The following YPEL1 variants were observed in gnomAD, a reference collection of about 807,000 sequenced individuals.
The protein encoded by YPEL1 is yippee like 1, also known as protein yippee-like 1.
In YPEL1, 7 loss-of-function variants were observed where a neutral mutation model predicts 17.3. The ratio of observed to expected loss-of-function variants is 0.40; its 90% CI spans 0.23 to 0.76. The LOEUF (loss-of-function observed/expected upper bound fraction) is 0.76. Among genes scored for constraint, YPEL1 ranks in the 30% least tolerant of loss-of-function variants. The pLI is 0.35. For missense variants in YPEL1, 91 were observed against 155.5 expected (o/e 0.59, Z 2.21); for synonymous variants, 59 against 59.6 (o/e 0.99, Z 0.05).
rs545656762 is a variant in YPEL1 at position 21,717,173 on chromosome 22, C to T, written c.-164-6265G>A. ...GGGGCGGATCACAAGGTCAGGAGTT[C>T]GAGACCAGCCTGGCCAACACGGTGA... On this transcript the variant is annotated intron_variant, in intron 1 of 4. Coordinates refer to ENST00000339468, the MANE Select transcript of YPEL1 (RefSeq NM_013313.5). Among the ~76,000 whole-genome samples the T allele has an allele frequency of 2.8e-4, 43 of 152,036 alleles. No homozygotes were observed. In the South Asian group the frequency reaches 3.1e-3, roughly 11 times the overall value.
At chr22:21,702,632 C>A (rs187997355) in intron 4 of YPEL1, among the ~76,000 whole-genome samples, 39 of 152,122 alleles carry the variant, frequency 2.6e-4, no homozygotes, top group Admixed American at 2.1e-3. Context: ...AAAACAACAA[C>A]AACAACAACT....
At chr22:21,728,747 C>T (rs775434081) in intron 1 of YPEL1, among the ~76,000 whole-genome samples, 1 of 152,162 alleles carries the variant, frequency 6.6e-6, no homozygotes, top group South Asian at 2.1e-4. Context: ...TGGTGGCTCA[C>T]ACCTGTAATC....
chr22:21,706,436 C>CAA (rs111878891), intron 2 of YPEL1, among the ~76,000 whole-genome samples: 12 of 86,832 alleles, frequency 1.4e-4, no homozygotes, highest in African/African-American at 4.4e-4. Context: ...CTCCGTCTCA[C>CAA]AAAAAAAAAA....
At chr22:21,706,958 A>G (rs988033089) in intron 2 of YPEL1, among the ~76,000 whole-genome samples, 1 of 152,198 alleles carries the variant, frequency 6.6e-6, no homozygotes, top group Non-Finnish European at 1.5e-5. Flanking sequence ...ATTTAAAGTG[A>G]AAAATGTGTT....
chr22:21,701,002 A>G lies in YPEL1; in HGVS notation c.*127T>C. On this transcript the variant is annotated 3_prime_UTR_variant, in exon 5 of 5. Coordinates refer to ENST00000339468, the MANE Select transcript of YPEL1 (RefSeq NM_013313.5). ...CACAGAGATGGCCGAGAGTGTCAAG[A>G]GCTATGCGCAGCTAGCCTTTGAGGT... is the stretch of plus-strand genomic sequence containing the variant. 1.4e-6 allele frequency: 1 copy of G among 731,666 alleles called. No individual in the cohort carries two copies. Among genetic ancestry groups the G allele is most frequent in the Admixed American group, 2.3e-5 (1 of 43,370 alleles). 45.3% of individuals were successfully genotyped at this position (731,666 alleles called of 1,614,324 possible). A position where few individuals can be genotyped will look rare whatever the true frequency, so the allele number is the denominator to read the frequency against.
intron 1 of YPEL1, among the ~76,000 whole-genome samples, chr22:21,719,944 G>A (rs1283509482): frequency 3.3e-5 from 5 of 151,336 alleles, no homozygotes; most frequent in South Asian, 2.1e-4. Context: ...CCTGGGGGGC[G>A]GAGGTTGCAG....
intron 1 of YPEL1, among the ~76,000 whole-genome samples, chr22:21,716,876 G>A (rs59468400): frequency 0.013 from 1,937 of 152,258 alleles, 33 homozygotes; most frequent in African/African-American, 0.045. Flanking sequence ...CCACTTACCT[G>A]TACTCACGGA....
chr22:21,701,261 C>T lies in YPEL1; in HGVS notation c.271-43G>A, dbSNP rs764514812. 26 of 1,528,222 alleles carry T rather than the reference C, an allele frequency of 1.7e-5. No individual in the cohort carries two copies. In the South Asian group the frequency reaches 3.0e-4, roughly 17 times the overall value. The allele number at this position is 1,528,222 out of a possible 1,614,324, so 94.7% of individuals were successfully genotyped here. ...AAAGGTTTCAGGACAGAAGGTTTCA[C>T]TTTTCAATTTCATCACTCTTTTGGC... On this transcript the variant is annotated intron_variant, in intron 4 of 4. Transcript: ENST00000339468.
At chr22:21,719,812 G>C (rs1213759256) in intron 1 of YPEL1, among the ~76,000 whole-genome samples, 1 of 152,080 alleles carries the variant, frequency 6.6e-6, no homozygotes, top group Non-Finnish European at 1.5e-5. Flanking sequence ...TGGATCATGA[G>C]GTCAGGAGTT....
intron 1 of YPEL1, among the ~76,000 whole-genome samples, chr22:21,711,789 T>G (rs1457530934): frequency 6.6e-6 from 1 of 152,194 alleles, no homozygotes; most frequent in Non-Finnish European, 1.5e-5. Flanking sequence ...GGGGAAAAGC[T>G]TCATGACATT....
At chr22:21,729,542 T>C (rs1398404979) in intron 1 of YPEL1, among the ~76,000 whole-genome samples, 1 of 149,010 alleles carries the variant, frequency 6.7e-6, no homozygotes, top group Non-Finnish European at 1.5e-5. Flanking sequence ...TCAAGGTTGC[T>C]GTGAGCCATG....
chr22:21,709,536 G>A (rs2068145018), intron 2 of YPEL1, among the ~76,000 whole-genome samples: 1 of 152,160 alleles, frequency 6.6e-6, no homozygotes, highest in African/African-American at 2.4e-5. Flanking sequence ...AGCACTTTGG[G>A]AGGCCAAGGC....
At chr22:21,708,697 G>C (rs1409985203) in intron 2 of YPEL1, among the ~76,000 whole-genome samples, 6 of 115,234 alleles carry the variant, frequency 5.2e-5, no homozygotes, top group African/African-American at 2.0e-4. Context: ...ACAGAGTTTC[G>C]CTCTTGTTGC....
In YPEL1 at chr22:21,710,689, C is replaced by T. The variant is rs1256623316; in HGVS notation, c.56G>A (p.Arg19Gln). The change falls in exon 2 of 5, where the codon CGA becomes CAA. Residue 19 changes from arginine (R) to glutamine (Q), a missense_variant. Physicochemically the swap from Arg to Gln is conservative, Grantham distance 43. Transcript: ENST00000339468. ...TFQAYLPNCHRTYSCIHCRAH... is the reference protein window; with the variant it reads ...TFQAYLPNCHQTYSCIHCRAH... ...TCTGCAGTGGATACAGCTGTACGTT[C>T]GGTGACAGTTCGGCAGATACGCTTG... The T allele has an allele frequency of 1.9e-6, 3 of 1,614,234 alleles. No homozygotes were observed. Among genetic ancestry groups the T allele is most frequent in the Non-Finnish European group, 1.7e-6 (2 of 1,180,042 alleles).
chr22:21,728,363 T>C (rs944855068), intron 1 of YPEL1, among the ~76,000 whole-genome samples: 4 of 152,086 alleles, frequency 2.6e-5, no homozygotes, highest in Admixed American at 2.6e-4. Context: ...ACGGAGGGAA[T>C]GGACAACGGA....
At chr22:21,709,389 C>T (rs1048283328) in intron 2 of YPEL1, among the ~76,000 whole-genome samples, 1 of 152,224 alleles carries the variant, frequency 6.6e-6, no homozygotes, top group African/African-American at 2.4e-5. Flanking sequence ...CAGTTTCTAT[C>T]TCAGATGATG....
chr22:21,733,780 G>T (rs2068411169), intron 1 of YPEL1, among the ~76,000 whole-genome samples: 1 of 151,956 alleles, frequency 6.6e-6, no homozygotes, highest in Non-Finnish European at 1.5e-5. Flanking sequence ...AAAAAAGAAA[G>T]AAAAAAGGAA....
At chr22:21,726,437 G>A (rs890809141) in intron 1 of YPEL1, among the ~76,000 whole-genome samples, 8 of 152,282 alleles carry the variant, frequency 5.3e-5, no homozygotes, top group East Asian at 3.9e-4. Context: ...GCCCGCTAGC[G>A]GCCACCACAG....
intron 1 of YPEL1, among the ~76,000 whole-genome samples, chr22:21,734,393 G>A (rs1005188969): frequency 1.3e-5 from 2 of 152,148 alleles, no homozygotes; most frequent in Admixed American, 6.5e-5. Context: ...AGGATATATT[G>A]GGATTGTCTG....
Sources: allele counts gnomAD v4.1 joint callset (sites outside exome capture counted in the v4.1 genomes callset), GRCh38; gene constraint gnomAD v4.1.1; transcripts MANE v1.5; gene names NCBI Gene and HGNC (gene_info 2026-07-23, HGNC 2026-07-21).